Variants in LRFN2 observed in about 807,000 individuals in gnomAD.
The protein encoded by LRFN2 is leucine rich repeat and fibronectin type III domain containing 2.
In LRFN2, 18 loss-of-function variants were observed where a neutral mutation model predicts 37.3. The observed-to-expected ratio is 0.48, with a 90% CI of 0.33 to 0.72. LRFN2 has a LOEUF of 0.72. LRFN2 is among the 30% of genes least tolerant of loss of function. The pLI is 0.02. For synonymous variants in LRFN2, 556 were observed against 466.6 expected (o/e 1.19, Z -2.47); for missense variants, 1,006 against 1,060.7 (o/e 0.95, Z 0.72).
chr6:40,514,601 C>A (rs1301144411), intron 1 of LRFN2, among the ~76,000 whole-genome samples: 1 of 152,218 alleles, frequency 6.6e-6, no homozygotes, highest in Non-Finnish European at 1.5e-5. Flanking sequence ...AGGTGTGAGC[C>A]ACCACACCCA....
intron 1 of LRFN2, among the ~76,000 whole-genome samples, chr6:40,444,456 C>T (rs1417779954): frequency 6.6e-6 from 1 of 152,218 alleles, no homozygotes; most frequent in African/African-American, 2.4e-5. Flanking sequence ...GCCACCAGGA[C>T]AGCACATTTA....
chr6:40,472,790 T>G (rs1191466518), intron 1 of LRFN2, among the ~76,000 whole-genome samples: 1 of 152,158 alleles, frequency 6.6e-6, no homozygotes, highest in Non-Finnish European at 1.5e-5. Flanking sequence ...TCAGGCACCT[T>G]GGCAGGCTGA....
intron 1 of LRFN2, among the ~76,000 whole-genome samples, chr6:40,487,928 G>T (rs1392608087): frequency 6.6e-6 from 1 of 152,166 alleles, no homozygotes; most frequent in East Asian, 1.9e-4. Flanking sequence ...TGAGCCTGGT[G>T]TGGGGTGGAA....
intron 1 of LRFN2, among the ~76,000 whole-genome samples, chr6:40,569,058 T>C (rs1767141272): frequency 1.3e-5 from 2 of 152,180 alleles, no homozygotes; most frequent in African/African-American, 4.8e-5. Flanking sequence ...TGGGTCACTC[T>C]GTCAAGAGCC....
chr6:40,512,859 G>A (rs1351299899), intron 1 of LRFN2, among the ~76,000 whole-genome samples: 1 of 152,204 alleles, frequency 6.6e-6, no homozygotes, highest in Admixed American at 6.5e-5. Flanking sequence ...CCAGTGATGG[G>A]GAAACAGCCA....
At chr6:40,478,314 CA>C (rs1764752416) in intron 1 of LRFN2, among the ~76,000 whole-genome samples, 3 of 152,278 alleles carry the variant, frequency 2.0e-5, no homozygotes, top group African/African-American at 7.2e-5. Flanking sequence ...TACAAATAGA[CA>C]AAAAGTGCTA....
At chr6:40,464,973 G>C (rs1260665709) in intron 1 of LRFN2, among the ~76,000 whole-genome samples, 1 of 152,128 alleles carries the variant, frequency 6.6e-6, no homozygotes, top group African/African-American at 2.4e-5. Context: ...AGGAATTAAG[G>C]TTGCAGATAT....
chr6:40,447,474 A>G (rs1410558893), intron 1 of LRFN2, among the ~76,000 whole-genome samples: 1 of 152,146 alleles, frequency 6.6e-6, no homozygotes, highest in East Asian at 1.9e-4. Context: ...ACCTGAACTA[A>G]ATGGGGACCT....
intron 1 of LRFN2, among the ~76,000 whole-genome samples, chr6:40,526,697 T>A (rs1197708446): frequency 1.3e-5 from 2 of 152,188 alleles, no homozygotes; most frequent in African/African-American, 4.8e-5. Context: ...TCCTTTTGGA[T>A]GTGGCCATCC....
intron 1 of LRFN2, among the ~76,000 whole-genome samples, chr6:40,505,297 G>A (rs537089664): frequency 3.9e-5 from 6 of 152,140 alleles, no homozygotes; most frequent in South Asian, 4.2e-4. Flanking sequence ...TTCACCGTGC[G>A]TGCTCGTTTG....
rs1373849883 is a variant in LRFN2 at position 40,392,104 on chromosome 6, C to A, written c.2209G>T (p.Val737Phe). 6.2e-7 allele frequency: 1 copy of A among 1,613,324 alleles called. No homozygotes were observed. The highest frequency in any genetic ancestry group is 8.5e-7 in the Non-Finnish European group (1 of 1,179,748). ...GDFAAAAAGG[V>F]VPGGYSPPRK... ...GGAGGACTGTAGCCGCCCGGCACGA[C>A]CCCTCCCGCCGCCGCAGCAGCAAAG... The change falls in exon 3 of 3, where the codon GTC (valine) becomes TTC (phenylalanine). Residue 737 changes from valine to phenylalanine, a missense_variant. Val to Phe is a conservative substitution (Grantham distance 50). Coordinates refer to ENST00000338305, the MANE Select transcript of LRFN2 (RefSeq NM_020737.3). The surrounding 1 kb of genome is among the most constrained non-coding windows in gnomAD (Gnocchi z 4.7).
intron 1 of LRFN2, among the ~76,000 whole-genome samples, chr6:40,547,466 C>T (rs575949927): frequency 2.0e-5 from 3 of 152,256 alleles, no homozygotes; most frequent in African/African-American, 4.8e-5. Context: ...TGCTTCCTAA[C>T]ACCTGCTCTA....
intron 1 of LRFN2, among the ~76,000 whole-genome samples, chr6:40,461,682 T>C (rs1470087186): frequency 1.4e-5 from 2 of 145,778 alleles, no homozygotes; most frequent in Non-Finnish European, 1.5e-5. Context: ...TATCAGAAGG[T>C]GGTAAGTGCT....
intron 1 of LRFN2, among the ~76,000 whole-genome samples, chr6:40,510,120 T>TG (rs1233389677): frequency 6.6e-6 from 1 of 151,046 alleles, no homozygotes; most frequent in Non-Finnish European, 1.5e-5. Flanking sequence ...GATGAGTGCG[T>TG]GCATGCGGGT....
At chr6:40,483,003 A>C (rs1282677169) in intron 1 of LRFN2, among the ~76,000 whole-genome samples, 1 of 151,656 alleles carries the variant, frequency 6.6e-6, no homozygotes, top group East Asian at 1.9e-4. Flanking sequence ...CGTTCTTGGA[A>C]CTCTCACTTC....
chr6:40,571,783 G>A (rs1767191886), intron 1 of LRFN2, among the ~76,000 whole-genome samples: 1 of 152,216 alleles, frequency 6.6e-6, no homozygotes, highest in Non-Finnish European at 1.5e-5. Flanking sequence ...GACAGGAAAG[G>A]GGGAAGAGCC....
At chr6:40,531,849 C>A (rs955122099) in intron 1 of LRFN2, among the ~76,000 whole-genome samples, 1 of 152,166 alleles carries the variant, frequency 6.6e-6, no homozygotes, top group East Asian at 1.9e-4. Context: ...CATCTACATT[C>A]CAGTAAGATG....
At chr6:40,468,548 A>G (rs1764523663) in intron 1 of LRFN2, among the ~76,000 whole-genome samples, 1 of 152,272 alleles carries the variant, frequency 6.6e-6, no homozygotes, top group African/African-American at 2.4e-5. Flanking sequence ...TTCCATTACT[A>G]AAGAAAACTG....
intron 2 of LRFN2, among the ~76,000 whole-genome samples, chr6:40,394,231 A>G (rs891360865): frequency 3.3e-5 from 5 of 151,728 alleles, no homozygotes; most frequent in African/African-American, 1.2e-4. Flanking sequence ...CACACCCTGA[A>G]CTCCAAGACC....
Sources: gnomAD v4.1 joint callset for allele counts (sites outside exome capture counted in the v4.1 genomes callset) on GRCh38, gnomAD v4.1.1 for gene constraint, Gnocchi (gnomAD v3.1) non-coding constraint, MANE v1.5 for transcripts, NCBI Gene and HGNC (gene_info 2026-07-23, HGNC 2026-07-21) for gene names.